The following ST7 variants were observed in gnomAD, a reference collection of about 807,000 sequenced individuals.
ST7 encodes the protein suppression of tumorigenicity 7, also known as suppressor of tumorigenicity 7 protein.
Under a neutral mutation model 78.7 loss-of-function variants are expected in ST7, and 28 were observed. The observed-to-expected ratio is 0.36, with a 90% CI of 0.26 to 0.49. ST7 has a LOEUF of 0.49. Ranked by LOEUF, ST7 falls within the 20% of genes least tolerant of loss-of-function variation. The probability of loss-of-function intolerance (pLI) is 0.99; values close to 1 mark genes in which losing one functional copy is unlikely to be tolerated. For synonymous variants in ST7, 247 were observed against 249.6 expected, an observed-to-expected ratio of 0.99 and a Z score of 0.10; for missense variants, 418 against 696.0, an observed-to-expected ratio of 0.60 and a Z score of 4.49.
chr7:117,023,930 C>T (rs1307728863), intron 1 of ST7, among the ~76,000 whole-genome samples: 1 of 152,052 alleles, frequency 6.6e-6, no homozygotes, highest in African/African-American at 2.4e-5. Context: ...CTGCCTCAGC[C>T]TCCCGAGTAG....
intron 12 of ST7, chr7:117,198,675 G>A (rs575903629): frequency 3.5e-5 from 6 of 169,296 alleles, no homozygotes; most frequent in Non-Finnish European, 5.1e-5. Flanking sequence ...AACACTTCAC[G>A]TCTGGTATGA....
At chr7:117,029,582 A>G (rs993013961) in intron 1 of ST7, among the ~76,000 whole-genome samples, 3 of 152,052 alleles carry the variant, frequency 2.0e-5, no homozygotes, top group African/African-American at 7.2e-5. Context: ...ATTTTGATGA[A>G]GTCCAGTTTA....
intron 1 of ST7, among the ~76,000 whole-genome samples, chr7:117,012,529 G>A (rs917946302): frequency 6.6e-6 from 1 of 152,036 alleles, no homozygotes; most frequent in African/African-American, 2.4e-5. Context: ...TACACACAAA[G>A]TGCTATTTAC....
chr7:117,046,081 G>C (rs773216709), intron 1 of ST7, among the ~76,000 whole-genome samples: 9 of 152,174 alleles, frequency 5.9e-5, no homozygotes, highest in African/African-American at 9.7e-5. Context: ...TGTGGTTTAG[G>C]GAAATTATGT....
chr7:117,194,417 C>G (rs948459077), intron 12 of ST7, among the ~76,000 whole-genome samples: 1 of 152,208 alleles, frequency 6.6e-6, no homozygotes, highest in Non-Finnish European at 1.5e-5. Flanking sequence ...CTTCACCACC[C>G]CCATTAAGAG....
chr7:116,976,864 A>G (rs757117285), intron 1 of ST7, among the ~76,000 whole-genome samples: 23 of 152,224 alleles, frequency 1.5e-4, no homozygotes, highest in Non-Finnish European at 2.9e-4. Context: ...CCCAACTTCA[A>G]CATTCTTGCT....
intron 8 of ST7, chr7:117,136,626 G>T (rs937478176): frequency 2.1e-5 from 7 of 333,370 alleles, no homozygotes; most frequent in Non-Finnish European, 3.8e-5. Flanking sequence ...TTATCTTATA[G>T]ATCTTCTACA....
chr7:117,112,435 C>G (rs1206476225), intron 2 of ST7: 4 of 151,990 alleles, frequency 2.6e-5, no homozygotes, highest in African/African-American at 9.7e-5. Context: ...TAAGTAAAAA[C>G]AGACACAAAG....
At chr7:117,189,837 G>C (rs1809612932) in intron 11 of ST7, among the ~76,000 whole-genome samples, 1 of 152,080 alleles carries the variant, frequency 6.6e-6, no homozygotes, top group Non-Finnish European at 1.5e-5. Context: ...GCCCCCCACT[G>C]GTCTATTAAC....
At chr7:116,979,661 A>G (rs1176667606) in intron 1 of ST7, among the ~76,000 whole-genome samples, 1 of 152,088 alleles carries the variant, frequency 6.6e-6, no homozygotes, top group Non-Finnish European at 1.5e-5. Context: ...CAACACTTAT[A>G]ATCTTATTAC....
chr7:117,222,207 T>C (rs1793143812), intron 15 of ST7, 145 bp downstream of exon 15: 2 of 910,798 alleles, frequency 2.2e-6, no homozygotes, highest in Non-Finnish European at 3.1e-6. Context: ...TTCATGATCG[T>C]CAATGGAATC....
At chr7:117,097,886 A>ATATATATGACATATCAC (rs1367438467) in intron 1 of ST7, among the ~76,000 whole-genome samples, 6 of 16,252 alleles carry the variant, frequency 3.7e-4, no homozygotes, top group African/African-American at 1.3e-3. Flanking sequence ...ATCACTATAT[A>ATATATATGACATATCAC]TATATATATA....
rs1225193648 is a variant in ST7 at position 117,134,104 on chromosome 7, AT to A, written c.642-13del. On this transcript the variant is annotated intron_variant, in intron 6 of 15. Transcript: ENST00000323984. Reference sequence around the variant, plus strand: ...CCTATCAATTTTCATTTTACCAACTATTTTTTTCTTCTTGGTCAGAATTAGG... The same window carrying A: ...CCTATCAATTTTCATTTTACCAACTATTTTTTCTTCTTGGTCAGAATTAGG... 2.5e-6 allele frequency: 4 copies of A among 1,610,062 alleles called. No homozygotes were observed. The highest frequency in any genetic ancestry group is 1.1e-5 in the South Asian group (1 of 90,884).
chr7:117,035,116 G>A (rs999044122), intron 1 of ST7, among the ~76,000 whole-genome samples: 3 of 74,296 alleles, frequency 4.0e-5, no homozygotes, highest in Admixed American at 2.3e-4. Flanking sequence ...GGCAAGCTGG[G>A]CAGTTTTTTT....
At position 117,156,094 on chromosome 7, in the gene ST7, A is replaced by T. The variant is rs116001507; in HGVS notation, c.964-14768A>T. On this transcript the variant is annotated intron_variant, in intron 9 of 15. Transcript: ENST00000323984. The stretch of plus-strand genomic sequence containing the variant: ...ACGAACCCATTTCCCTGCTTTACTT[A>T]TTCTCCTCAAAATTTATCATGATCT... Among the ~76,000 whole-genome samples the T allele has an allele frequency of 5.1e-3, 778 of 152,184 alleles. 6 individuals are homozygous for T. Among genetic ancestry groups the T allele is most frequent in the African/African-American group, 0.016 (650 of 41,518 alleles).
At chr7:117,209,045 G>A (rs563605806) in intron 12 of ST7, among the ~76,000 whole-genome samples, 1 of 151,946 alleles carries the variant, frequency 6.6e-6, no homozygotes, top group African/African-American at 2.4e-5. Context: ...CTATCCTATA[G>A]TAAAACAAAA....
chr7:117,086,680 T>A lies in ST7; in HGVS notation c.152-13082T>A, dbSNP rs568175126. On this transcript the variant is annotated intron_variant, in intron 1 of 15. Transcript: ENST00000323984. The stretch of plus-strand genomic sequence containing the variant: ...TGCATCTTTTAATAGATTTTTTTTT[T>A]AAACTGGCTTGCCAATATTTGAAAA... 3.3e-5 allele frequency among the ~76,000 whole-genome samples: 5 copies of A among 152,256 alleles called. No homozygotes were observed. The South Asian group carries it at 6.2e-4, about 19-fold the overall frequency.
At chr7:117,096,155 C>G (rs1337593242) in intron 1 of ST7, among the ~76,000 whole-genome samples, 1 of 149,324 alleles carries the variant, frequency 6.7e-6, no homozygotes, top group Non-Finnish European at 1.5e-5. Flanking sequence ...GTTTTCTGGT[C>G]CAATTTTTAG....
intron 1 of ST7, among the ~76,000 whole-genome samples, chr7:117,036,567 A>G (rs1196484853): frequency 6.6e-6 from 1 of 152,180 alleles, no homozygotes. Flanking sequence ...TTTTCTATCC[A>G]GCTACTGTGC....
Sources: gnomAD v4.1 joint callset for allele counts (sites outside exome capture counted in the v4.1 genomes callset) on GRCh38, gnomAD v4.1.1 for gene constraint, MANE v1.5 for transcripts, NCBI Gene and HGNC (gene_info 2026-07-23, HGNC 2026-07-21) for gene names.